TMEM248: variants seen among roughly 807,000 people sequenced by gnomAD.
The protein encoded by TMEM248 is transmembrane protein 248, also known as UPF0458 protein C7orf42.
A neutral mutation model predicts 30.3 loss-of-function variants in TMEM248; 9 were observed. The ratio of observed to expected loss-of-function variants is 0.30; its 90% CI spans 0.18 to 0.52. The LOEUF (loss-of-function observed/expected upper bound fraction) is 0.52, where lower values mean the gene tolerates loss of function less well. Among genes scored for constraint, TMEM248 ranks in the 20% least tolerant of loss-of-function variants. The pLI is 0.97. For missense variants in TMEM248, 338 were observed against 403.3 expected (o/e 0.84, Z 1.39); for synonymous variants, 184 against 154.4 (o/e 1.19, Z -1.42).
chr7:66,928,374 T>C (rs769205011), intron 1 of TMEM248, among the ~76,000 whole-genome samples: 1 of 152,140 alleles, frequency 6.6e-6, no homozygotes, highest in Non-Finnish European at 1.5e-5. Context: ...AACTGTCTTA[T>C]CAACCTTGGC....
At chr7:66,922,697 G>A (rs1430009042) in intron 1 of TMEM248, among the ~76,000 whole-genome samples, 1 of 132,968 alleles carries the variant, frequency 7.5e-6, no homozygotes, top group African/African-American at 2.6e-5. Context: ...AAGGAGGAAA[G>A]GTAGATTATA....
At chr7:66,943,427 A>T (rs1792015236) in intron 2 of TMEM248, among the ~76,000 whole-genome samples, 1 of 152,182 alleles carries the variant, frequency 6.6e-6, no homozygotes, top group Admixed American at 6.5e-5. Flanking sequence ...GATGCTGCGG[A>T]ACTTTGGTTA....
intron 1 of TMEM248, among the ~76,000 whole-genome samples, 168 bp from the exon 2 acceptor site, chr7:66,941,680 T>A (rs1386203692): frequency 1.3e-5 from 2 of 152,130 alleles, no homozygotes; most frequent in Non-Finnish European, 2.9e-5. Context: ...CATTTAGTGT[T>A]TCTTCCTTCT....
intron 1 of TMEM248, 45 bp downstream of exon 1, chr7:66,921,506 G>GCTGC (rs1164244985): frequency 6.6e-6 from 1 of 151,798 alleles, no homozygotes; most frequent in Non-Finnish European, 1.5e-5. Flanking sequence ...CCCAGTCGGG[G>GCTGC]CTGCCCGCGG....
chr7:66,940,523 A>G lies in TMEM248; in HGVS notation c.-18-1325A>G, dbSNP rs576936562. On this transcript the variant is annotated intron_variant, in intron 1 of 6. Coordinates refer to ENST00000341567, the MANE Select transcript of TMEM248 (RefSeq NM_017994.5). ...AGAGCAGCACTCCCCAAAGCGATCC[A>G]CAGATTCAGTGCAGTCCCTGTCAGT... Among the ~76,000 whole-genome samples, 21 of 152,344 alleles carry G rather than the reference A, an allele frequency of 1.4e-4. 1 individual carries two copies. Among genetic ancestry groups the G allele is most frequent in the African/African-American group, 5.1e-4 (21 of 41,574 alleles).
chr7:66,956,258 G>T lies in TMEM248; in HGVS notation c.*736G>T, dbSNP rs1197413555. 6.6e-6 allele frequency: 1 copy of T among 152,128 alleles called. No individual in the cohort carries two copies. The highest frequency in any genetic ancestry group is 1.5e-5 in the Non-Finnish European group (1 of 68,026). The allele number at this position is 152,128 out of a possible 1,614,324, so 9.4% of individuals were successfully genotyped here. ...TTTCATTTTCCACATGGATGACCAG[G>T]AACCTGGTCTTGTTGGAGCTGGCAT... is the stretch of plus-strand genomic sequence containing the variant. On this transcript the variant is annotated 3_prime_UTR_variant, in exon 7 of 7. Coordinates refer to ENST00000341567, the MANE Select transcript of TMEM248 (RefSeq NM_017994.5).
Position 66,925,434 on chromosome 7 carries a change from C to T in TMEM248, c.-19+3973C>T, listed in dbSNP as rs1219730323. Among the ~76,000 whole-genome samples the T allele has an allele frequency of 3.9e-5, 6 of 152,300 alleles. No homozygotes were observed. The South Asian group carries it at 1.2e-3, about 32-fold the overall frequency. On this transcript the variant is annotated intron_variant, in intron 1 of 6. Coordinates refer to ENST00000341567, the MANE Select transcript of TMEM248 (RefSeq NM_017994.5). ...CCATCATCTCCCTGTTCCCCACCCC[C>T]TGCTTCTGTAACCATAGTTCTGCTC...
chr7:66,953,939 CTTTTTTTT>C (rs34925648), intron 6 of TMEM248, among the ~76,000 whole-genome samples: 1 of 83,986 alleles, frequency 1.2e-5, no homozygotes, highest in Non-Finnish European at 2.2e-5. Context: ...AGATTACTTT[CTTTTTTTT>C]TTTTTTTTTT....
chr7:66,940,679 T>C (rs957671889), intron 1 of TMEM248, among the ~76,000 whole-genome samples: 1 of 152,132 alleles, frequency 6.6e-6, no homozygotes, highest in Non-Finnish European at 1.5e-5. Flanking sequence ...GGCTTCTGAG[T>C]CCTGAAAACC....
intron 1 of TMEM248, among the ~76,000 whole-genome samples, chr7:66,941,245 G>A (rs1470140812): frequency 1.3e-5 from 2 of 152,102 alleles, no homozygotes; most frequent in Non-Finnish European, 2.9e-5. Context: ...GCTGGGTGTG[G>A]CGGCACATGC....
At chr7:66,948,431 C>T in intron 3 of TMEM248, 113 bp from the exon 4 acceptor site, 1 of 1,295,172 alleles carries the variant, frequency 7.7e-7, no homozygotes, top group South Asian at 1.4e-5. Flanking sequence ...AAGGCAGGTG[C>T]CTGGGCTGAT....
chr7:66,936,351 T>G (rs1214792899), intron 1 of TMEM248, among the ~76,000 whole-genome samples: 1 of 152,242 alleles, frequency 6.6e-6, no homozygotes, highest in African/African-American at 2.4e-5. Context: ...TGATATGATG[T>G]ATCGCTTTGA....
chr7:66,944,911 G>A (rs1792052107), intron 2 of TMEM248, 65 bp from the exon 3 acceptor site: 6 of 1,568,606 alleles, frequency 3.8e-6, no homozygotes, highest in Non-Finnish European at 5.2e-6. Context: ...GGTCTTACCT[G>A]TATTCCCGCA....
chr7:66,926,219 A>T (rs374088699), intron 1 of TMEM248, among the ~76,000 whole-genome samples: 1 of 152,272 alleles, frequency 6.6e-6, no homozygotes, highest in South Asian at 2.1e-4. Context: ...TTTAATCCCT[A>T]GGGATTTGGA....
intron 1 of TMEM248, among the ~76,000 whole-genome samples, chr7:66,935,001 G>A (rs981852122): frequency 4.6e-5 from 7 of 151,956 alleles, no homozygotes; most frequent in African/African-American, 1.4e-4. Flanking sequence ...GTTGCAGTGA[G>A]CTGAGATTGT....
In TMEM248 at chr7:66,955,576, G is replaced by C; in HGVS notation, c.*54G>C. 2 of 1,607,420 alleles carry C rather than the reference G, an allele frequency of 1.2e-6. No homozygotes were observed. The highest frequency in any genetic ancestry group is 1.7e-6 in the Non-Finnish European group (2 of 1,175,536). ...ACTGAGAGAACCATAATCCTTGCCT[G>C]CTGAACCCAGCCTGGGCCTGGATGC... On this transcript the variant is annotated 3_prime_UTR_variant, in exon 7 of 7. Coordinates refer to ENST00000341567, the MANE Select transcript of TMEM248 (RefSeq NM_017994.5).
chr7:66,946,192 G>T (rs777845354), intron 3 of TMEM248, among the ~76,000 whole-genome samples: 1 of 151,922 alleles, frequency 6.6e-6, no homozygotes, highest in Non-Finnish European at 1.5e-5. Context: ...AACCCAAGAC[G>T]TGGAGGTTGC....
intron 5 of TMEM248, among the ~76,000 whole-genome samples, chr7:66,951,738 C>T (rs182060304): frequency 2.0e-4 from 31 of 151,970 alleles, no homozygotes; most frequent in African/African-American, 6.5e-4. Context: ...GGTCTAGTGG[C>T]GCAATCATAG....
intron 1 of TMEM248, among the ~76,000 whole-genome samples, chr7:66,925,692 T>TTCTTTTG (rs894238135): frequency 6.6e-6 from 1 of 150,702 alleles, no homozygotes; most frequent in Non-Finnish European, 1.5e-5. Flanking sequence ...TTGTAGTTTT[T>TTCTTTTG]TCTTTTTTTT....
Sources: gnomAD v4.1 joint callset for allele counts (sites outside exome capture counted in the v4.1 genomes callset) on GRCh38, gnomAD v4.1.1 for gene constraint, MANE v1.5 for transcripts, NCBI Gene and HGNC (gene_info 2026-07-23, HGNC 2026-07-21) for gene names.